Variants in ACTL6A observed in about 807,000 individuals in gnomAD.
The protein encoded by ACTL6A is actin-like protein 6A.
Under a neutral mutation model 59.2 loss-of-function variants are expected in ACTL6A, and 5 were observed. That is an observed-to-expected ratio of 0.08 (90% CI 0.04 to 0.18). The LOEUF is 0.18. ACTL6A is among the 10% of genes least tolerant of loss of function. The pLI, the probability that ACTL6A is intolerant of heterozygous loss-of-function variation, is 1.00. For missense variants in ACTL6A, 285 were observed against 526.9 expected, an observed-to-expected ratio of 0.54 and a Z score of 4.49; for synonymous variants, 154 against 171.8, an observed-to-expected ratio of 0.90 and a Z score of 0.81.
At chr3:179,573,223 G>A in intron 3 of ACTL6A, 146 bp from the exon 4 acceptor site, 1 of 541,972 alleles carries the variant, frequency 1.8e-6, no homozygotes, top group Non-Finnish European at 3.2e-6. Flanking sequence ...TCTATATAAA[G>A]TAATGTGGTA....
intron 3 of ACTL6A, among the ~76,000 whole-genome samples, chr3:179,572,596 GGAGTTCGA>G (rs1250202989): frequency 6.6e-6 from 1 of 152,132 alleles, no homozygotes; most frequent in Non-Finnish European, 1.5e-5. Context: ...CCTGAGGTCA[GGAGTTCGA>G]GACCAGCCTG....
chr3:179,579,463 C>CACAT (rs1560013282), intron 8 of ACTL6A, among the ~76,000 whole-genome samples: 2 of 148,388 alleles, frequency 1.3e-5, no homozygotes, highest in South Asian at 2.1e-4. Context: ...TATACACACA[C>CACAT]ACACACACAC....
intron 12 of ACTL6A, among the ~76,000 whole-genome samples, chr3:179,583,996 A>G (rs1481778272): frequency 6.6e-6 from 1 of 152,234 alleles, no homozygotes; most frequent in Non-Finnish European, 1.5e-5. Context: ...GTCTTTACGT[A>G]AGTGGGGAAA....
intron 8 of ACTL6A, among the ~76,000 whole-genome samples, chr3:179,579,021 G>A (rs1281434157): frequency 6.6e-6 from 1 of 152,308 alleles, no homozygotes; most frequent in Middle Eastern, 3.4e-3. Flanking sequence ...GGGATTACAG[G>A]CGTGAGCCAC....
Position 179,570,162 on chromosome 3 carries a change from C to T in ACTL6A, c.198C>T (p.Pro66=), listed in dbSNP as rs772764105. The change falls in exon 3 of 14, where the codon CCC becomes CCT. Residue 66 remains proline (P), a synonymous_variant. Coordinates refer to ENST00000429709, the MANE Select transcript of ACTL6A (RefSeq NM_004301.5). This position sits in a 1 kb window ranked among gnomAD's most constrained non-coding sequence, Gnocchi z 4.3. ...IDGDKGKQGG[P]TYYIDTNALR... is the part of the protein sequence containing the mutation. ...GCGATAAAGGCAAACAAGGCGGTCC[C>T]ACCTACTACATAGATACTAATGCTC... is the stretch of plus-strand genomic sequence containing the variant. 18 of 1,613,986 alleles carry T rather than the reference C, an allele frequency of 1.1e-5. No homozygotes were observed. The highest frequency in any genetic ancestry group is 1.4e-5 in the Non-Finnish European group (17 of 1,180,018).
intron 1 of ACTL6A, among the ~76,000 whole-genome samples, chr3:179,568,107 G>A (rs145572632): frequency 0.023 from 3,443 of 150,958 alleles, 57 homozygotes; most frequent in Non-Finnish European, 0.038. Context: ...GGGAGGTAGA[G>A]GTTGCAGTGA....
Position 179,587,913 on chromosome 3 carries a change from T to A in ACTL6A, c.1210-17T>A, listed in dbSNP as rs376868428. ...AGAAGTAAGGCATAATTATATAAATTTCTTTCCATTTTACAGGGTACCTTT... is the reference window on the plus strand; with the variant it reads ...AGAAGTAAGGCATAATTATATAAATATCTTTCCATTTTACAGGGTACCTTT... On this transcript the variant is annotated splice_polypyrimidine_tract_variant and intron_variant, in intron 13 of 13. Transcript: ENST00000429709. 1.3e-4 allele frequency: 207 copies of A among 1,582,422 alleles called. No individual in the cohort carries two copies. The highest frequency in any genetic ancestry group is 1.7e-4 in the Non-Finnish European group (202 of 1,170,788).
chr3:179,581,674 C>T lies in ACTL6A; in HGVS notation c.1026+454C>T, dbSNP rs1455830767. On this transcript the variant is annotated intron_variant, in intron 11 of 13. Coordinates refer to ENST00000429709, the MANE Select transcript of ACTL6A (RefSeq NM_004301.5). ...CTTCTACTTTTATTTTTCAGGAAGG[C>T]GTGGTTTAAATTATATGAGTAACTT... Among the ~76,000 whole-genome samples the T allele has an allele frequency of 2.0e-5, 3 of 152,064 alleles. 1 individual carries two copies. The highest frequency in any genetic ancestry group is 1.3e-4 in the Admixed American group (2 of 15,274).
At chr3:179,579,938 C>T (rs981764732) in intron 8 of ACTL6A, among the ~76,000 whole-genome samples, 3 of 152,108 alleles carry the variant, frequency 2.0e-5, no homozygotes, top group Admixed American at 2.0e-4. Flanking sequence ...CCATGCCTGG[C>T]TAATTTTTTA....
chr3:179,583,074 G>A (rs1718381482), intron 11 of ACTL6A, among the ~76,000 whole-genome samples: 1 of 152,104 alleles, frequency 6.6e-6, no homozygotes, highest in Non-Finnish European at 1.5e-5. Context: ...GCAATATAAC[G>A]AGACCCCGTC....
chr3:179,563,366 G>A (rs1717728549), intron 1 of ACTL6A, among the ~76,000 whole-genome samples: 1 of 152,204 alleles, frequency 6.6e-6, no homozygotes, highest in African/African-American at 2.4e-5. Flanking sequence ...GAGGAGCAGG[G>A]TTTTGGGGTG....
intron 7 of ACTL6A, 38 bp from the exon 8 acceptor site, chr3:179,576,786 G>A: frequency 1.9e-6 from 3 of 1,610,862 alleles, no homozygotes; most frequent in Non-Finnish European, 2.5e-6. Flanking sequence ...CCCCTATGAA[G>A]TGAACTCCAT....
chr3:179,587,788 T>C (rs1718551913), intron 13 of ACTL6A, 142 bp from the exon 14 acceptor site: 1 of 604,066 alleles, frequency 1.7e-6, no homozygotes, highest in Non-Finnish European at 2.8e-6. Flanking sequence ...AACCAAGAAG[T>C]TCGAGGTTGT....
Position 179,563,222 on chromosome 3 carries a change from C to T in ACTL6A, c.25+105C>T, listed in dbSNP as rs3774226. 2.8e-4 allele frequency: 416 copies of T among 1,489,184 alleles called. 1 individual carries two copies. The East Asian group carries it at 9.6e-3, about 34-fold the overall frequency. 92.2% of individuals were successfully genotyped at this position (1,489,184 alleles called of 1,614,324 possible). A position where few individuals can be genotyped will look rare whatever the true frequency, so the allele number is the denominator to read the frequency against. On this transcript the variant is annotated intron_variant, in intron 1 of 13. Coordinates refer to ENST00000429709, the MANE Select transcript of ACTL6A (RefSeq NM_004301.5). ...CCCGGCGTTCCCTTCCGGTCTCCCC[C>T]TCTCGGGACCCCGGCCTCCCCGCCC...
At chr3:179,575,952 C>T (rs1718154519) in intron 5 of ACTL6A, among the ~76,000 whole-genome samples, 1 of 152,104 alleles carries the variant, frequency 6.6e-6, no homozygotes, top group Non-Finnish European at 1.5e-5. Flanking sequence ...TAATTTTGAC[C>T]AGCTTAATAG....
At chr3:179,581,077 G>A in intron 10 of ACTL6A, 63 bp from the exon 11 acceptor site, 2 of 1,600,560 alleles carry the variant, frequency 1.2e-6, no homozygotes, top group African/African-American at 1.3e-5. Context: ...TGGCTAAAAT[G>A]TTTTGGATAT....
chr3:179,565,351 C>T (rs544539801), intron 1 of ACTL6A, among the ~76,000 whole-genome samples: 7 of 151,356 alleles, frequency 4.6e-5, no homozygotes, highest in South Asian at 2.1e-4. Flanking sequence ...GCACAAGAAT[C>T]GCTCGAACCT....
At chr3:179,577,430 G>T (rs969236241) in intron 8 of ACTL6A, among the ~76,000 whole-genome samples, 15 of 151,726 alleles carry the variant, frequency 9.9e-5, no homozygotes, top group African/African-American at 3.6e-4. Flanking sequence ...TACTGATGGG[G>T]AAGAGGTTAG....
intron 11 of ACTL6A, among the ~76,000 whole-genome samples, chr3:179,581,561 G>C (rs1718340091): frequency 6.6e-6 from 1 of 152,208 alleles, no homozygotes; most frequent in Non-Finnish European, 1.5e-5. Flanking sequence ...CATCATCACA[G>C]AAAGTTATTG....
Sources: gnomAD v4.1 joint callset for allele counts (sites outside exome capture counted in the v4.1 genomes callset) on GRCh38, gnomAD v4.1.1 for gene constraint, Gnocchi (gnomAD v3.1) non-coding constraint, MANE v1.5 for transcripts, NCBI Gene and HGNC (gene_info 2026-07-23, HGNC 2026-07-21) for gene names.